The following ACOXL variants were observed in gnomAD, a reference collection of about 807,000 sequenced individuals.
The protein encoded by ACOXL is acyl-CoA oxidase like.
In ACOXL, 70 loss-of-function variants were observed where a neutral mutation model predicts 71.9. The ratio of observed to expected loss-of-function variants is 0.97; its 90% confidence interval spans 0.80 to 1.19. The LOEUF (loss-of-function observed/expected upper bound fraction) is 1.19, where lower values mean the gene tolerates loss of function less well. Ranked by LOEUF, ACOXL falls within the 50% of genes most tolerant of loss-of-function variation. The pLI is 0.00. For synonymous variants in ACOXL, 253 were observed against 281.6 expected (o/e 0.90, Z 1.02); for missense variants, 703 against 736.3 (o/e 0.95, Z 0.52).
At chr2:110,745,038 T>C (rs1470421119) in intron 1 of ACOXL, among the ~76,000 whole-genome samples, 1 of 152,240 alleles carries the variant, frequency 6.6e-6, no homozygotes, top group Non-Finnish European at 1.5e-5. Flanking sequence ...CCCTTTACCG[T>C]TCAGGTTAAT....
intron 13 of ACOXL, among the ~76,000 whole-genome samples, chr2:110,992,637 G>C (rs896131303): frequency 1.3e-5 from 2 of 152,206 alleles, no homozygotes; most frequent in Non-Finnish European, 2.9e-5. Flanking sequence ...CATGGGACGA[G>C]GTAAGGCAGA....
At chr2:111,020,285 G>T (rs188290682) in intron 14 of ACOXL, among the ~76,000 whole-genome samples, 4 of 152,302 alleles carry the variant, frequency 2.6e-5, no homozygotes, top group Non-Finnish European at 5.9e-5. Context: ...GGTTGCTGGG[G>T]TGGTTGCAGT....
intron 10 of ACOXL, among the ~76,000 whole-genome samples, chr2:110,855,618 T>C (rs974884958): frequency 2.0e-5 from 3 of 152,252 alleles, no homozygotes; most frequent in African/African-American, 7.2e-5. Context: ...TGCTTCACTT[T>C]CTGTGGTTTC....
intron 9 of ACOXL, among the ~76,000 whole-genome samples, chr2:110,840,628 G>A (rs1691047556): frequency 6.6e-6 from 1 of 152,066 alleles, no homozygotes; most frequent in Non-Finnish European, 1.5e-5. Flanking sequence ...AACTAGCCAG[G>A]GCCCCTGTCA....
chr2:110,933,724 A>G, intron 12 of ACOXL, 82 bp downstream of exon 12: 1 of 1,469,302 alleles, frequency 6.8e-7, no homozygotes, highest in East Asian at 2.5e-5. Context: ...GGCAGATAAC[A>G]TGCTTCAGAG....
chr2:110,826,752 C>CTTTTTTTTTTTTTTTTCTTTTT (rs775164507), intron 9 of ACOXL, among the ~76,000 whole-genome samples: 1 of 116,524 alleles, frequency 8.6e-6, no homozygotes, highest in Non-Finnish European at 1.8e-5. Flanking sequence ...TCTCTCTTTG[C>CTTTTTTTTTTTTTTTTCTTTTT]TTTTTTTTTT....
chr2:110,918,831 T>C (rs1218047897), intron 11 of ACOXL, among the ~76,000 whole-genome samples: 1 of 152,092 alleles, frequency 6.6e-6, no homozygotes, highest in Admixed American at 6.5e-5. Flanking sequence ...ATTAGAGAAA[T>C]GCAAATCAAA....
intron 15 of ACOXL, among the ~76,000 whole-genome samples, chr2:111,033,638 C>T (rs1331370788): frequency 6.6e-6 from 1 of 152,188 alleles, no homozygotes. Context: ...TTATGTAAAC[C>T]ACCCTTCTTC....
At chr2:110,923,933 T>C (rs1336328954) in intron 11 of ACOXL, among the ~76,000 whole-genome samples, 1 of 147,554 alleles carries the variant, frequency 6.8e-6, no homozygotes, top group African/African-American at 2.5e-5. Context: ...CGAGACTCCA[T>C]CTCAAAAAAA....
At chr2:110,926,848 TC>T (rs2060289290) in intron 11 of ACOXL, among the ~76,000 whole-genome samples, 1 of 152,056 alleles carries the variant, frequency 6.6e-6, no homozygotes, top group Non-Finnish European at 1.5e-5. Flanking sequence ...CCTCTTCAAA[TC>T]CACTCTCCAG....
At chr2:110,798,222 T>C (rs1685501152) in intron 5 of ACOXL, among the ~76,000 whole-genome samples, 1 of 151,918 alleles carries the variant, frequency 6.6e-6, no homozygotes. Flanking sequence ...AACGGAACCC[T>C]GCACTGTGTG....
At chr2:111,017,867 GT>G (rs760100315) in intron 14 of ACOXL, 4 of 152,164 alleles carry the variant, frequency 2.6e-5, no homozygotes, top group Non-Finnish European at 4.4e-5. Flanking sequence ...CCCTGATATT[GT>G]TTCGCTCCTT....
At chr2:110,878,075 C>T (rs1696147207) in intron 10 of ACOXL, among the ~76,000 whole-genome samples, 1 of 152,120 alleles carries the variant, frequency 6.6e-6, no homozygotes, top group East Asian at 1.9e-4. Flanking sequence ...TAAAACAATC[C>T]CCATCCTTTC....
At chr2:111,003,110 T>C (rs2063711071) in intron 14 of ACOXL, among the ~76,000 whole-genome samples, 1 of 152,252 alleles carries the variant, frequency 6.6e-6, no homozygotes, top group Admixed American at 6.5e-5. Context: ...AGTTGTTCTC[T>C]GTCAGAGACC....
Position 111,109,671 on chromosome 2 carries a change from A to ATTTTTTTTTT in ACOXL, c.1543-7929_1543-7920dup, listed in dbSNP as rs869081161. 5.6e-4 allele frequency among the ~76,000 whole-genome samples: 42 copies of ATTTTTTTTTT among 75,666 alleles called. 2 individuals are homozygous for ATTTTTTTTTT. The highest frequency in any genetic ancestry group is 8.2e-4 in the African/African-American group (15 of 18,376). 49.6% of individuals were successfully genotyped at this position (75,666 alleles called of 152,430 possible). On this transcript the variant is annotated intron_variant, in intron 17 of 17. Transcript: ENST00000439055. Reference sequence around the variant, plus strand: ...CTATTATATCCATTTTTCTCCTTCTATTTTTTTTTTTTTTTTTTTTTTTTT... The same window carrying ATTTTTTTTTT: ...CTATTATATCCATTTTTCTCCTTCTATTTTTTTTTTTTTTTTTTTTTTTTTTTTTTTTTTT...
intron 16 of ACOXL, among the ~76,000 whole-genome samples, chr2:111,092,317 T>C (rs1366834552): frequency 1.3e-5 from 2 of 152,228 alleles, no homozygotes; most frequent in Non-Finnish European, 2.9e-5. Flanking sequence ...TCATTTATTG[T>C]TGCTTGGTGC....
At chr2:110,760,934 C>T (rs1680323386) in intron 1 of ACOXL, among the ~76,000 whole-genome samples, 1 of 152,144 alleles carries the variant, frequency 6.6e-6, no homozygotes, top group Non-Finnish European at 1.5e-5. Flanking sequence ...GGAAAATAGA[C>T]CCTGCCTCTT....
chr2:110,806,850 T>C (rs952055511), intron 9 of ACOXL, among the ~76,000 whole-genome samples: 4 of 152,158 alleles, frequency 2.6e-5, no homozygotes, highest in South Asian at 4.2e-4. Flanking sequence ...TGCAGGCTCA[T>C]TGGGGTCCAC....
At chr2:110,838,692 A>G (rs2105726144) in intron 9 of ACOXL, among the ~76,000 whole-genome samples, 1 of 152,288 alleles carries the variant, frequency 6.6e-6, no homozygotes, top group Admixed American at 6.5e-5. Flanking sequence ...GACCCACAAG[A>G]ACTTTTCTAC....
Sources: allele counts gnomAD v4.1 joint callset (sites outside exome capture counted in the v4.1 genomes callset), GRCh38; gene constraint gnomAD v4.1.1; transcripts MANE v1.5; gene names NCBI Gene and HGNC (gene_info 2026-07-23, HGNC 2026-07-21).